ARHGAP28: variants seen among roughly 807,000 people sequenced by gnomAD.
ARHGAP28 encodes rho GTPase-activating protein 28.
ARHGAP28 carries 56 observed loss-of-function variants against 90.7 expected under a neutral mutation model. That is an observed-to-expected ratio of 0.62 (90% confidence interval 0.50 to 0.77). The LOEUF (loss-of-function observed/expected upper bound fraction) is 0.77, where lower values mean the gene tolerates loss of function less well. ARHGAP28 is among the 30% of genes least tolerant of loss of function. ARHGAP28 has a pLI of 0.00. For synonymous variants in ARHGAP28, 308 were observed against 323.3 expected, an observed-to-expected ratio of 0.95 and a Z score of 0.51; for missense variants, 869 against 900.9, an observed-to-expected ratio of 0.96 and a Z score of 0.45.
intron 1 of ARHGAP28, among the ~76,000 whole-genome samples, chr18:6,786,947 G>A (rs537329577): frequency 8.5e-5 from 13 of 152,074 alleles, no homozygotes; most frequent in Non-Finnish European, 1.5e-4. Flanking sequence ...GGCCGCGCGC[G>A]GTGGTTCATG....
chr18:6,804,596 A>G (rs1481846289), intron 1 of ARHGAP28, among the ~76,000 whole-genome samples: 1 of 152,124 alleles, frequency 6.6e-6, no homozygotes, highest in Non-Finnish European at 1.5e-5. Context: ...ATGTCCCACA[A>G]ATTTTGTTAT....
rs1008214399 is a variant in ARHGAP28, at chr18:6,764,900, T to G, written c.122+34957T>G. ...TACAACGCGCTTAACCAAAAAGGCCTGTACTATTGAGTTTAAACCAAATGA... is the reference window on the plus strand; with the variant it reads ...TACAACGCGCTTAACCAAAAAGGCCGGTACTATTGAGTTTAAACCAAATGA... On this transcript the variant is annotated intron_variant, in intron 1 of 17. Transcript: ENST00000383472. Among the ~76,000 whole-genome samples the G allele has an allele frequency of 4.6e-5, 7 of 152,298 alleles. 2 individuals are homozygous for G.
At chr18:6,827,806 C>G (rs1366694576) in intron 2 of ARHGAP28, among the ~76,000 whole-genome samples, 2 of 151,622 alleles carry the variant, frequency 1.3e-5, no homozygotes, top group Non-Finnish European at 2.9e-5. Context: ...CGGGCAGAGA[C>G]GCTCCTCACT....
intron 3 of ARHGAP28, among the ~76,000 whole-genome samples, chr18:6,839,372 C>A (rs944002271): frequency 6.7e-6 from 1 of 149,956 alleles, no homozygotes; most frequent in Non-Finnish European, 1.5e-5. Flanking sequence ...CGGCTCACTG[C>A]AAGCTCCGCC....
At chr18:6,773,602 C>T (rs1172194428) in intron 1 of ARHGAP28, among the ~76,000 whole-genome samples, 1 of 152,172 alleles carries the variant, frequency 6.6e-6, no homozygotes, top group African/African-American at 2.4e-5. Context: ...CAACCAGACC[C>T]TTGCCTTCTG....
chr18:6,903,530 A>G (rs1415247445), intron 16 of ARHGAP28, among the ~76,000 whole-genome samples: 3 of 152,128 alleles, frequency 2.0e-5, no homozygotes, highest in Non-Finnish European at 2.9e-5. Flanking sequence ...TAAATAAAAC[A>G]AGATAGAATC....
chr18:6,861,597 T>A (rs557309739), intron 5 of ARHGAP28, among the ~76,000 whole-genome samples: 20 of 152,270 alleles, frequency 1.3e-4, no homozygotes, highest in African/African-American at 4.6e-4. Context: ...GGACTGCGTG[T>A]GGTTCCATGC....
intron 11 of ARHGAP28, among the ~76,000 whole-genome samples, chr18:6,886,604 A>G (rs181418317): frequency 7.2e-5 from 11 of 152,342 alleles, no homozygotes; most frequent in Admixed American, 6.5e-4. Flanking sequence ...AACACTCTAC[A>G]TGTATTAACT....
intron 16 of ARHGAP28, among the ~76,000 whole-genome samples, chr18:6,908,281 G>A (rs966698289): frequency 1.3e-5 from 2 of 152,018 alleles, no homozygotes; most frequent in Admixed American, 6.5e-5. Flanking sequence ...GGAACTACAG[G>A]CACATGCCAC....
At chr18:6,797,215 T>C (rs1417479192) in intron 1 of ARHGAP28, among the ~76,000 whole-genome samples, 1 of 152,200 alleles carries the variant, frequency 6.6e-6, no homozygotes, top group Non-Finnish European at 1.5e-5. Flanking sequence ...GTTGTAGTTG[T>C]TTTTAATCAG....
chr18:6,851,971 A>T (rs2056914026), intron 4 of ARHGAP28, among the ~76,000 whole-genome samples: 1 of 152,078 alleles, frequency 6.6e-6, no homozygotes, highest in South Asian at 2.1e-4. Flanking sequence ...CATTATCTTG[A>T]CTGTGGTGAT....
intron 7 of ARHGAP28, among the ~76,000 whole-genome samples, chr18:6,872,499 T>C (rs1262404825): frequency 6.6e-6 from 1 of 152,222 alleles, no homozygotes; most frequent in Non-Finnish European, 1.5e-5. Context: ...TTTAGGAAAC[T>C]CCTATGGAAA....
intron 1 of ARHGAP28, among the ~76,000 whole-genome samples, chr18:6,799,265 TG>T (rs2056464386): frequency 6.6e-6 from 1 of 152,210 alleles, no homozygotes; most frequent in African/African-American, 2.4e-5. Context: ...AAACATTCCA[TG>T]CTCTTAGATA....
rs147242216 is a variant in ARHGAP28 at position 6,854,619 on chromosome 18, G to A, written c.636+3493G>A. On this transcript the variant is annotated intron_variant, in intron 4 of 17. Coordinates refer to ENST00000383472, the MANE Select transcript of ARHGAP28 (RefSeq NM_001366230.1). ...CTGGAGCTGCCTCTGTGAAGACGCC[G>A]GCTACAGCAAGGGAGGTGCAGCCAG... Among the ~76,000 whole-genome samples the A allele has an allele frequency of 3.5e-3, 526 of 152,174 alleles. 1 individual carries two copies. Among genetic ancestry groups the A allele is most frequent in the Non-Finnish European group, 5.8e-3 (392 of 68,000 alleles).
In ARHGAP28 at chr18:6,729,955, C is replaced by G. The variant is rs1268321107; in HGVS notation, c.122+12C>G. 1.5e-6 allele frequency: 2 copies of G among 1,347,466 alleles called. No individual in the cohort carries two copies. Among genetic ancestry groups the G allele is most frequent in the South Asian group, 1.8e-5 (1 of 54,328 alleles). 83.5% of individuals were successfully genotyped at this position (1,347,466 alleles called of 1,614,324 possible). On this transcript the variant is annotated intron_variant, in intron 1 of 17. Coordinates refer to ENST00000383472, the MANE Select transcript of ARHGAP28 (RefSeq NM_001366230.1). Reference sequence around the variant, plus strand: ...CACCCGCTCAGCAGGTACCCGGAGCCGCTCCCACCAGGGCGGCGCAGTCGC... The same window carrying G: ...CACCCGCTCAGCAGGTACCCGGAGCGGCTCCCACCAGGGCGGCGCAGTCGC...
At chr18:6,870,833 T>C (rs1037187148) in intron 7 of ARHGAP28, 101 bp downstream of exon 7, 9 of 1,283,658 alleles carry the variant, frequency 7.0e-6, no homozygotes, top group Non-Finnish European at 9.6e-6. Flanking sequence ...GGAGTCTCGC[T>C]CTATTGCCCC....
At chr18:6,744,913 A>C (rs1361255653) in intron 1 of ARHGAP28, among the ~76,000 whole-genome samples, 12 of 151,844 alleles carry the variant, frequency 7.9e-5, no homozygotes, top group Admixed American at 7.9e-4. Flanking sequence ...TTGAAAGATA[A>C]ATTTTATTAA....
At position 6,915,203 on chromosome 18, in the gene ARHGAP28, T is replaced by G. The variant is rs550647899; in HGVS notation, c.*3049T>G. On this transcript the variant is annotated 3_prime_UTR_variant, in exon 18 of 18. Transcript: ENST00000383472. ...TCATTGTCTTGAGTTTCTAACCATG[T>G]GCAGATGCAAGCGTTCAGGAGTAGG... 6.6e-6 allele frequency: 1 copy of G among 152,372 alleles called. No homozygotes were observed. Among genetic ancestry groups the G allele is most frequent in the South Asian group, 2.1e-4 (1 of 4,834 alleles). The allele number at this position is 152,372 out of a possible 1,614,324, so 9.4% of individuals were successfully genotyped here.
rs540065389 is a variant in ARHGAP28, at chr18:6,870,830, C to T, written c.954+98C>T. The T allele has an allele frequency of 4.7e-4, 617 of 1,307,542 alleles. 1 individual carries two copies. Among genetic ancestry groups the T allele is most frequent in the South Asian group, 1.3e-3 (86 of 67,976 alleles). The allele number at this position is 1,307,542 out of a possible 1,614,324, so 81.0% of individuals were successfully genotyped here. ...CTTTTTTTTTTTTGAGACGGAGTCT[C>T]GCTCTATTGCCCCAGGCTGGAGTGC... On this transcript the variant is annotated intron_variant, in intron 7 of 17. Transcript: ENST00000383472.
Sources: allele counts gnomAD v4.1 joint callset (sites outside exome capture counted in the v4.1 genomes callset), GRCh38; gene constraint gnomAD v4.1.1; transcripts MANE v1.5; gene names NCBI Gene and HGNC (gene_info 2026-07-23, HGNC 2026-07-21).